MCTP1: variants seen among roughly 807,000 people sequenced by gnomAD.
MCTP1 encodes the protein multiple C2 and transmembrane domain-containing protein 1.
A neutral mutation model predicts 120.6 loss-of-function variants in MCTP1; 69 were observed. The observed-to-expected ratio is 0.57, with a 90% CI of 0.47 to 0.70. The LOEUF (loss-of-function observed/expected upper bound fraction) is 0.70, where lower values mean the gene tolerates loss of function less well. Ranked by LOEUF, MCTP1 falls within the 30% of genes least tolerant of loss-of-function variation. The pLI is 0.00. For missense variants in MCTP1, 1,203 were observed against 1,248.8 expected, an observed-to-expected ratio of 0.96 and a Z score of 0.55; for synonymous variants, 529 against 493.1, an observed-to-expected ratio of 1.07 and a Z score of -0.96.
intron 1 of MCTP1, among the ~76,000 whole-genome samples, chr5:95,167,404 A>T (rs1746556457): frequency 6.6e-6 from 1 of 152,212 alleles, no homozygotes; most frequent in Non-Finnish European, 1.5e-5. Flanking sequence ...TATGATTTAT[A>T]ATCCTTTGGG....
At chr5:95,055,440 T>C (rs1378953266) in intron 1 of MCTP1, among the ~76,000 whole-genome samples, 1 of 152,258 alleles carries the variant, frequency 6.6e-6, no homozygotes, top group African/African-American at 2.4e-5. Flanking sequence ...TGTTGAATAC[T>C]TACTATGTGC....
intron 1 of MCTP1, among the ~76,000 whole-genome samples, chr5:95,023,002 A>G (rs917798437): frequency 6.6e-6 from 1 of 152,100 alleles, no homozygotes; most frequent in Non-Finnish European, 1.5e-5. Flanking sequence ...GGAAGGAGGG[A>G]GCATCAGAAA....
intron 2 of MCTP1, among the ~76,000 whole-genome samples, chr5:95,012,971 GC>G (rs1230257908): frequency 3.9e-5 from 6 of 152,146 alleles, no homozygotes; most frequent in African/African-American, 1.4e-4. Flanking sequence ...TGAAAGCTAG[GC>G]CTCTTGCTCC....
At chr5:95,084,341 T>C (rs1755266663) in intron 1 of MCTP1, among the ~76,000 whole-genome samples, 1 of 152,114 alleles carries the variant, frequency 6.6e-6, no homozygotes, top group African/African-American at 2.4e-5. Context: ...GTAATGGAAA[T>C]GATGATGCTC....
intron 17 of MCTP1, among the ~76,000 whole-genome samples, chr5:94,827,102 G>T (rs547051485): frequency 4.6e-4 from 70 of 152,036 alleles, no homozygotes; most frequent in Non-Finnish European, 9.4e-4. Flanking sequence ...TGCAGTGGCC[G>T]GTTCTGGTTT....
intron 18 of MCTP1, among the ~76,000 whole-genome samples, chr5:94,791,419 T>C (rs1778932190): frequency 1.3e-5 from 2 of 152,106 alleles, no homozygotes; most frequent in South Asian, 4.2e-4. Flanking sequence ...TGATTGAGTC[T>C]AGGAGTTCGA....
chr5:94,885,771 G>A (rs1801188409), intron 12 of MCTP1, among the ~76,000 whole-genome samples: 1 of 152,132 alleles, frequency 6.6e-6, no homozygotes, highest in Non-Finnish European at 1.5e-5. Flanking sequence ...AGGTAAGTAA[G>A]TTGTACTGAG....
At chr5:94,794,192 T>C (rs1189427062) in intron 18 of MCTP1, among the ~76,000 whole-genome samples, 1 of 152,232 alleles carries the variant, frequency 6.6e-6, no homozygotes, top group Non-Finnish European at 1.5e-5. Context: ...AGGAATATCA[T>C]GACAGTAAAA....
At chr5:95,208,960 C>T (rs1752003141) in intron 1 of MCTP1, among the ~76,000 whole-genome samples, 1 of 152,134 alleles carries the variant, frequency 6.6e-6, no homozygotes, top group Admixed American at 6.5e-5. Flanking sequence ...CCTGTTCTGT[C>T]ATCTCTTTGC....
At chr5:95,155,886 C>G (rs145302443) in intron 1 of MCTP1, among the ~76,000 whole-genome samples, 1 of 152,174 alleles carries the variant, frequency 6.6e-6, no homozygotes, top group Non-Finnish European at 1.5e-5. Flanking sequence ...GGGTTGGTCA[C>G]TCATTTGATT....
chr5:94,740,474 G>C (rs1765262146), intron 19 of MCTP1, among the ~76,000 whole-genome samples: 1 of 152,184 alleles, frequency 6.6e-6, no homozygotes, highest in Non-Finnish European at 1.5e-5. Flanking sequence ...TAGAAGTTAA[G>C]TGGCTCAAAA....
intron 1 of MCTP1, among the ~76,000 whole-genome samples, chr5:95,193,869 A>C (rs749796765): frequency 6.6e-6 from 1 of 152,166 alleles, no homozygotes; most frequent in African/African-American, 2.4e-5. Context: ...CCCCCTATAA[A>C]GTAAGAACTA....
At chr5:94,735,272 G>C (rs1763965216) in intron 19 of MCTP1, among the ~76,000 whole-genome samples, 1 of 152,066 alleles carries the variant, frequency 6.6e-6, no homozygotes, top group Non-Finnish European at 1.5e-5. Context: ...AGTTGCTGTG[G>C]GGGCTCCATA....
At chr5:94,964,273 G>A (rs1825062644) in intron 2 of MCTP1, among the ~76,000 whole-genome samples, 1 of 152,050 alleles carries the variant, frequency 6.6e-6, no homozygotes, top group Non-Finnish European at 1.5e-5. Flanking sequence ...TTGTTTTGTG[G>A]CCTAACATAT....
chr5:94,871,460 G>C, intron 13 of MCTP1, 43 bp from the exon 14 acceptor site: 1 of 1,343,964 alleles, frequency 7.4e-7, no homozygotes, highest in Non-Finnish European at 1.1e-6. Flanking sequence ...TTCATCAGTA[G>C]GAAACAACAA....
chr5:95,154,149 G>T (rs114492254), intron 1 of MCTP1: 1,705 of 152,330 alleles, frequency 0.011, 14 homozygotes, highest in Admixed American at 0.015. Flanking sequence ...CTGTATTGAT[G>T]TGTTTGTGCT....
chr5:95,075,659 T>G (rs764114433), intron 1 of MCTP1, among the ~76,000 whole-genome samples: 2 of 152,212 alleles, frequency 1.3e-5, no homozygotes, highest in Admixed American at 6.5e-5. Flanking sequence ...TCCTGCCATG[T>G]GGTCTAAAAC....
Position 94,758,014 on chromosome 5 carries a change from T to C in MCTP1, c.2610+21096A>G, listed in dbSNP as rs141047104. Among the ~76,000 whole-genome samples the C allele has an allele frequency of 3.7e-4, 56 of 152,246 alleles. 1 individual carries two copies. The highest frequency in any genetic ancestry group is 3.4e-3 in the Middle Eastern group (1 of 294). ...TTCAGGAAACAAGTTTAGTAAGGTG[T>C]TATAGATGGAGGCCTCAAAAGAAAA... On this transcript the variant is annotated intron_variant, in intron 19 of 22. Transcript: ENST00000515393.
At chr5:94,784,376 G>A (rs969268534) in intron 18 of MCTP1, among the ~76,000 whole-genome samples, 1 of 152,024 alleles carries the variant, frequency 6.6e-6, no homozygotes, top group South Asian at 2.1e-4. Flanking sequence ...TGGAGAAGAC[G>A]CATATAATCA....
Sources: allele counts gnomAD v4.1 joint callset (sites outside exome capture counted in the v4.1 genomes callset), GRCh38; gene constraint gnomAD v4.1.1; transcripts MANE v1.5; gene names NCBI Gene and HGNC (gene_info 2026-07-23, HGNC 2026-07-21).